Variants in CTNND2 observed in about 807,000 individuals in gnomAD.
CTNND2 encodes catenin delta-2.
Under a neutral mutation model 144.4 loss-of-function variants are expected in CTNND2, and 22 were observed. The ratio of observed to expected loss-of-function variants is 0.15; its 90% CI spans 0.11 to 0.22. The LOEUF (loss-of-function observed/expected upper bound fraction) is 0.22. Ranked by LOEUF, CTNND2 falls within the 10% of genes least tolerant of loss-of-function variation. The pLI, the probability that CTNND2 is intolerant of heterozygous loss-of-function variation, is 1.00. For missense variants in CTNND2, 1,353 were observed against 1,618.8 expected, an observed-to-expected ratio of 0.84 and a Z score of 2.82; for synonymous variants, 751 against 695.6, an observed-to-expected ratio of 1.08 and a Z score of -1.25.
chr5:11,283,706 A>AGT (rs1747419731), intron 9 of CTNND2, among the ~76,000 whole-genome samples: 1 of 124,674 alleles, frequency 8.0e-6, no homozygotes. Flanking sequence ...AAAAAAAAAA[A>AGT]GAGAGAGACA....
chr5:11,778,545 G>A (rs1377842330), intron 1 of CTNND2, among the ~76,000 whole-genome samples: 1 of 152,142 alleles, frequency 6.6e-6, no homozygotes, highest in Non-Finnish European at 1.5e-5. Flanking sequence ...ATTGAATCAT[G>A]TGGAAAACAG....
At position 11,551,014 on chromosome 5, in the gene CTNND2, G is replaced by A. The variant is rs1405243897; in HGVS notation, c.287+13930C>T. On this transcript the variant is annotated intron_variant, in intron 3 of 21. Coordinates refer to ENST00000304623, the MANE Select transcript of CTNND2 (RefSeq NM_001332.4). The stretch of plus-strand genomic sequence containing the variant: ...TCGTTACCTTGGGTGAAATTTTTCT[G>A]ACCTACCTCCTGGGTAAGGCCACCC... Among the ~76,000 whole-genome samples, 4 of 152,246 alleles carry A rather than the reference G, an allele frequency of 2.6e-5. No individual in the cohort carries two copies. In the East Asian group the frequency reaches 7.7e-4, roughly 29 times the overall value.
intron 3 of CTNND2, among the ~76,000 whole-genome samples, chr5:11,412,904 C>A (rs1761655708): frequency 6.6e-6 from 1 of 152,134 alleles, no homozygotes; most frequent in African/African-American, 2.4e-5. Context: ...AGCAGCTTCT[C>A]TGAATAGTTC....
intron 2 of CTNND2, among the ~76,000 whole-genome samples, chr5:11,668,775 G>T (rs74447871): frequency 1.8e-4 from 28 of 152,112 alleles, no homozygotes; most frequent in Non-Finnish European, 2.6e-4. Context: ...TTGCCTGACT[G>T]CCCTGGCCAG....
intron 1 of CTNND2, among the ~76,000 whole-genome samples, chr5:11,902,156 G>C (rs1226612078): frequency 6.6e-6 from 1 of 152,144 alleles, no homozygotes; most frequent in Admixed American, 6.5e-5. Context: ...GAATGTAATC[G>C]TCTTCCTTCA....
At chr5:11,683,184 A>C (rs1784495157) in intron 2 of CTNND2, among the ~76,000 whole-genome samples, 1 of 152,194 alleles carries the variant, frequency 6.6e-6, no homozygotes, top group South Asian at 2.1e-4. Context: ...GGAAATCCAC[A>C]GACATGTAAT....
intron 3 of CTNND2, among the ~76,000 whole-genome samples, chr5:11,446,432 T>C (rs1764806146): frequency 6.6e-6 from 1 of 152,150 alleles, no homozygotes. Flanking sequence ...AGCAATGGCA[T>C]GTGGGTAGGG....
rs1172292903 is a variant in CTNND2 at position 11,081,451 on chromosome 5, G to C, written c.2788+1245C>G. 2.6e-4 allele frequency among the ~76,000 whole-genome samples: 40 copies of C among 152,128 alleles called. 1 individual carries two copies. Among genetic ancestry groups the C allele is most frequent in the Non-Finnish European group, 2.9e-5 (2 of 68,022 alleles). On this transcript the variant is annotated intron_variant, in intron 16 of 21. Coordinates refer to ENST00000304623, the MANE Select transcript of CTNND2 (RefSeq NM_001332.4). ...AATGCTTAGGACCAGAAGTGTTTTC[G>C]GATTTTAGATGTTTTCGGATTTGGG...
At chr5:11,434,112 T>C (rs1763546366) in intron 3 of CTNND2, among the ~76,000 whole-genome samples, 1 of 152,240 alleles carries the variant, frequency 6.6e-6, no homozygotes. Flanking sequence ...ATCTGTAGTA[T>C]ATTTATACAA....
At chr5:11,111,565 A>G (rs1180422824) in intron 13 of CTNND2, among the ~76,000 whole-genome samples, 1 of 152,108 alleles carries the variant, frequency 6.6e-6, no homozygotes, top group Non-Finnish European at 1.5e-5. Flanking sequence ...GGGGTGCATA[A>G]ATATTTTTAG....
chr5:11,729,969 G>GCATCTTTCTT (rs1787244242), intron 2 of CTNND2, among the ~76,000 whole-genome samples: 2 of 151,690 alleles, frequency 1.3e-5, no homozygotes, highest in South Asian at 4.2e-4. Context: ...TTCATTACTT[G>GCATCTTTCTT]CTTGCATCTT....
chr5:11,284,622 T>C (rs867239661), intron 9 of CTNND2, among the ~76,000 whole-genome samples: 16 of 152,358 alleles, frequency 1.1e-4, no homozygotes, highest in African/African-American at 3.8e-4. Flanking sequence ...CGTAGTATTC[T>C]ATGGTGTATA....
intron 9 of CTNND2, among the ~76,000 whole-genome samples, chr5:11,341,770 G>C (rs891110206): frequency 1.3e-4 from 20 of 152,150 alleles, no homozygotes; most frequent in African/African-American, 4.6e-4. Flanking sequence ...CCCTATGGGA[G>C]GCCAAGGCAG....
At chr5:11,339,661 G>A (rs951095654) in intron 9 of CTNND2, among the ~76,000 whole-genome samples, 1 of 152,134 alleles carries the variant, frequency 6.6e-6, no homozygotes, top group African/African-American at 2.4e-5. Flanking sequence ...AGGTGGAGAT[G>A]TTGGGAGGTG....
At chr5:11,530,719 A>G (rs1045910622) in intron 3 of CTNND2, among the ~76,000 whole-genome samples, 1 of 152,150 alleles carries the variant, frequency 6.6e-6, no homozygotes, top group Non-Finnish European at 1.5e-5. Context: ...CTGATCACAT[A>G]TATATCTTAA....
At chr5:11,809,918 C>T (rs1249285194) in intron 1 of CTNND2, among the ~76,000 whole-genome samples, 1 of 152,120 alleles carries the variant, frequency 6.6e-6, no homozygotes, top group Non-Finnish European at 1.5e-5. Flanking sequence ...ACTTAAGAAA[C>T]AATCATGTCT....
chr5:11,342,325 C>T (rs148468695), intron 9 of CTNND2, among the ~76,000 whole-genome samples: 31 of 152,244 alleles, frequency 2.0e-4, no homozygotes, highest in African/African-American at 5.5e-4. Context: ...TATTGTCATA[C>T]TCTTAGTCAA....
Position 11,184,743 on chromosome 5 carries a change from T to A in CTNND2, c.1975+14705A>T, listed in dbSNP as rs141611204. 3.4e-3 allele frequency among the ~76,000 whole-genome samples: 524 copies of A among 152,288 alleles called. 2 individuals are homozygous for A. Among genetic ancestry groups the A allele is most frequent in the African/African-American group, 7.8e-3 (324 of 41,548 alleles). The stretch of plus-strand genomic sequence containing the variant: ...GAGGACACAGCTGACTCTGGGTGTG[T>A]CCCTAGCAATTTTTGTGTGAAGTGA... On this transcript the variant is annotated intron_variant, in intron 11 of 21. Coordinates refer to ENST00000304623, the MANE Select transcript of CTNND2 (RefSeq NM_001332.4).
chr5:11,061,989 G>A lies in CTNND2; in HGVS notation c.2788+20707C>T, dbSNP rs570119607. Among the ~76,000 whole-genome samples the A allele has an allele frequency of 2.6e-3, 393 of 152,278 alleles. 1 individual carries two copies. Among genetic ancestry groups the A allele is most frequent in the Non-Finnish European group, 4.5e-3 (307 of 68,030 alleles). ...CTCCCAAAGAGCTGAGATTACAGGCGTGAGCCACTGCACAGGGCCTGTTTG... is the reference window on the plus strand; with the variant it reads ...CTCCCAAAGAGCTGAGATTACAGGCATGAGCCACTGCACAGGGCCTGTTTG... On this transcript the variant is annotated intron_variant, in intron 16 of 21. Coordinates refer to ENST00000304623, the MANE Select transcript of CTNND2 (RefSeq NM_001332.4).
Sources: gnomAD v4.1 joint callset for allele counts (sites outside exome capture counted in the v4.1 genomes callset) on GRCh38, gnomAD v4.1.1 for gene constraint, MANE v1.5 for transcripts, NCBI Gene and HGNC (gene_info 2026-07-23, HGNC 2026-07-21) for gene names.